TDRD9: variants seen among roughly 807,000 people sequenced by gnomAD.
The protein encoded by TDRD9 is tudor domain containing 9, also known as ATP-dependent RNA helicase TDRD9.
Under a neutral mutation model 172.6 loss-of-function variants are expected in TDRD9, and 124 were observed. The observed-to-expected ratio is 0.72, with a 90% CI of 0.62 to 0.83. TDRD9 has a LOEUF of 0.83. Among genes scored for constraint, TDRD9 ranks in the 40% least tolerant of loss-of-function variants. TDRD9 has a pLI of 0.00. For missense variants in TDRD9, 1,479 were observed against 1,714.1 expected, an observed-to-expected ratio of 0.86 and a Z score of 2.42; for synonymous variants, 619 against 617.1, an observed-to-expected ratio of 1.00 and a Z score of -0.05.
At chr14:104,005,552 G>T in intron 15 of TDRD9, 147 bp downstream of exon 15, 1 of 842,224 alleles carries the variant, frequency 1.2e-6, no homozygotes, top group Non-Finnish European at 1.8e-6. Context: ...TCACTTTCCC[G>T]CTAACTCTGT....
chr14:103,935,156 G>A (rs2030674320), intron 1 of TDRD9, among the ~76,000 whole-genome samples: 1 of 152,194 alleles, frequency 6.6e-6, no homozygotes, highest in African/African-American at 2.4e-5. Context: ...TACCTCTATA[G>A]CTATGGGAGC....
intron 1 of TDRD9, among the ~76,000 whole-genome samples, chr14:103,949,141 A>C (rs1356693979): frequency 2.0e-5 from 3 of 152,216 alleles, no homozygotes; most frequent in Non-Finnish European, 4.4e-5. Context: ...CTGTACACTT[A>C]AAAATAGTTA....
intron 1 of TDRD9, among the ~76,000 whole-genome samples, chr14:103,948,034 G>C (rs1409000863): frequency 3.3e-5 from 5 of 152,238 alleles, no homozygotes; most frequent in African/African-American, 1.2e-4. Context: ...TTTTTTAAGA[G>C]GGAGGGTCTC....
Position 104,006,522 on chromosome 14 carries a change from T to C in TDRD9, c.1847T>C (p.Val616Ala). The C allele has an allele frequency of 6.2e-7, 1 of 1,613,844 alleles. No individual in the cohort carries two copies. Among genetic ancestry groups the C allele is most frequent in the Non-Finnish European group, 8.5e-7 (1 of 1,179,746 alleles). The change falls in exon 16 of 36, where the codon GTA becomes GCA. Residue 616 changes from valine (V) to alanine (A), a missense_variant. Val to Ala is a moderately conservative substitution (Grantham distance 64). Around this residue, in one of 3 missense-constraint regions of TDRD9, gnomAD observed 1,413 missense variants for 1,649.1 expected, o/e 0.86. Transcript: ENST00000409874. ...GGTAAACTCATAGTCCTTGGACATG[T>C]ATTTGGATGTCTAGATGAATGTCTT... ...QLGKLIVLGHVFGCLDECLII... is the reference protein window; with the variant it reads ...QLGKLIVLGHAFGCLDECLII...
chr14:104,032,299 C>T (rs1461454303), intron 30 of TDRD9, among the ~76,000 whole-genome samples: 3 of 152,072 alleles, frequency 2.0e-5, no homozygotes, highest in East Asian at 1.9e-4. Flanking sequence ...CTCCGCCTCC[C>T]AGATTCAAGC....
intron 1 of TDRD9, among the ~76,000 whole-genome samples, chr14:103,952,386 C>T (rs1229631590): frequency 1.3e-5 from 2 of 148,666 alleles, no homozygotes; most frequent in Admixed American, 6.7e-5. Context: ...GGACTACAGG[C>T]GCCCGCCACC....
chr14:103,947,391 G>A (rs755085033), intron 1 of TDRD9, among the ~76,000 whole-genome samples: 4 of 151,616 alleles, frequency 2.6e-5, no homozygotes, highest in Non-Finnish European at 5.9e-5. Flanking sequence ...GTGCAGTGGC[G>A]ATTTCTACTC....
rs946844740 is a variant in TDRD9, at chr14:103,970,608, C to G, written c.833C>G (p.Ser278Ter). 25 of 1,550,202 alleles carry G rather than the reference C, an allele frequency of 1.6e-5. No individual in the cohort carries two copies. The highest frequency in any genetic ancestry group is 2.0e-5 in the Non-Finnish European group (23 of 1,145,798). The change falls in exon 6 of 36, where the codon TCA becomes TGA. Residue 278 changes from serine (S) to a stop codon, truncating the protein, a stop_gained. Coordinates refer to ENST00000409874, the MANE Select transcript of TDRD9 (RefSeq NM_153046.3). LOFTEE classifies it high-confidence loss of function. Reference protein sequence around the residue: ...LVVRKLLRTNSRFVKVVLMSA... With the variant: ...LVVRKLLRTN Reference sequence around the variant, plus strand: ...GTCCGCAAACTCTTAAGAACAAATTCACGTTTTGTGAAGGTAAATTTGATT... The same window carrying G: ...GTCCGCAAACTCTTAAGAACAAATTGACGTTTTGTGAAGGTAAATTTGATT...
intron 26 of TDRD9, 134 bp from the exon 27 acceptor site, chr14:104,025,913 T>C (rs2035102759): frequency 1.0e-6 from 1 of 969,124 alleles, no homozygotes; most frequent in East Asian, 2.4e-5. Context: ...CCCTCATTGA[T>C]ATGTGGATTT....
At chr14:104,046,144 A>T (rs2035768625) in intron 34 of TDRD9, among the ~76,000 whole-genome samples, 2 of 152,222 alleles carry the variant, frequency 1.3e-5, no homozygotes, top group East Asian at 3.9e-4. Context: ...TTTAGTAGAG[A>T]TGGGGTTTCA....
At position 104,024,684 on chromosome 14, in the gene TDRD9, AG is replaced by A. The variant is rs1311488326; in HGVS notation, c.2718+6del. On this transcript the variant is annotated splice_donor_5th_base_variant and intron_variant, in intron 25 of 35. Coordinates refer to ENST00000409874, the MANE Select transcript of TDRD9 (RefSeq NM_153046.3). ...TCTAACTATTGATGTCACAGAGGTAAGGATGAAGTAATTGAGCTTTTCCTTC... is the reference window on the plus strand; with the variant it reads ...TCTAACTATTGATGTCACAGAGGTAAGATGAAGTAATTGAGCTTTTCCTTC... 6.5e-7 allele frequency: 1 copy of A among 1,540,296 alleles called. No homozygotes were observed. The highest frequency in any genetic ancestry group is 2.3e-5 in the East Asian group (1 of 44,380).
intron 2 of TDRD9, among the ~76,000 whole-genome samples, chr14:103,960,669 A>G (rs1374128778): frequency 2.0e-5 from 3 of 152,126 alleles, no homozygotes; most frequent in African/African-American, 7.2e-5. Context: ...GCAGGACTTG[A>G]TTTGTGCTGG....
At chr14:103,986,589 C>G (rs979144682) in intron 8 of TDRD9, among the ~76,000 whole-genome samples, 1 of 152,130 alleles carries the variant, frequency 6.6e-6, no homozygotes, top group African/African-American at 2.4e-5. Context: ...TTTTTCCAGA[C>G]ATATAGGGGT....
chr14:103,957,608 C>G (rs977876529), intron 2 of TDRD9, among the ~76,000 whole-genome samples: 2 of 152,120 alleles, frequency 1.3e-5, no homozygotes, highest in Non-Finnish European at 2.9e-5. Context: ...GTCTTTTGTA[C>G]AAAGGAAGAG....
In TDRD9 at chr14:104,014,428, C is replaced by T. The variant is rs535437289; in HGVS notation, c.2107-297C>T. Among the ~76,000 whole-genome samples, 233 of 151,748 alleles carry T rather than the reference C, an allele frequency of 1.5e-3. 1 individual carries two copies. Among genetic ancestry groups the T allele is most frequent in the African/African-American group, 5.1e-3 (211 of 41,376 alleles). On this transcript the variant is annotated intron_variant, in intron 20 of 35. Coordinates refer to ENST00000409874, the MANE Select transcript of TDRD9 (RefSeq NM_153046.3). ...CCAAGTAGCTGGGACTACAGGTCTG[C>T]GCCACCACGCCCAGCTAACTTTGTA...
At position 103,995,775 on chromosome 14, in the gene TDRD9, A is replaced by C. The variant is rs775695923; in HGVS notation, c.1346A>C (p.Glu449Ala). The change falls in exon 12 of 36, where the codon GAG becomes GCG. Residue 449 changes from glutamate (E) to alanine (A), a missense_variant. Around this residue, in one of 3 missense-constraint regions of TDRD9, gnomAD observed 1,413 missense variants for 1,649.1 expected, o/e 0.86. Transcript: ENST00000409874. Reference protein sequence around the residue: ...RKIILSTNIAESSVTVPDVKY... With the variant: ...RKIILSTNIAASSVTVPDVKY... Reference sequence around the variant, plus strand: ...ATTATTCTGTCCACCAATATTGCAGAGAGTTCTGTCACAGTTCCAGATGTC... The same window carrying C: ...ATTATTCTGTCCACCAATATTGCAGCGAGTTCTGTCACAGTTCCAGATGTC... 1 of 1,609,670 alleles carries C rather than the reference A, an allele frequency of 6.2e-7. No homozygotes were observed. The highest frequency in any genetic ancestry group is 1.1e-5 in the South Asian group (1 of 90,024).
chr14:104,007,186 G>T lies in TDRD9; in HGVS notation c.2034G>T (p.Gly678=). 3.1e-6 allele frequency: 5 copies of T among 1,613,908 alleles called. No homozygotes were observed. Among genetic ancestry groups the T allele is most frequent in the Non-Finnish European group, 4.2e-6 (5 of 1,179,854 alleles). Residue 678 remains glycine, a synonymous_variant, in exon 19 of 36, where the codon GGG becomes GGT. Coordinates refer to ENST00000409874, the MANE Select transcript of TDRD9 (RefSeq NM_153046.3). Reference sequence around the variant, plus strand: ...CATGGAAGGCTTGCAGACAGACAGGGGAGCTGCGGTACCCGAAGGTTGGTG... The same window carrying T: ...CATGGAAGGCTTGCAGACAGACAGGTGAGCTGCGGTACCCGAAGGTTGGTG... ...FKTWKACRQT[G]ELRYPKDELN...
rs2035368711 is a variant in TDRD9, at chr14:104,034,063, G to A, written c.3613G>A (p.Ala1205Thr). 2 of 1,545,834 alleles carry A rather than the reference G, an allele frequency of 1.3e-6. No homozygotes were observed. The highest frequency in any genetic ancestry group is 1.4e-5 in the African/African-American group (1 of 72,798). Residue 1205 changes from alanine to threonine, a missense_variant, in exon 31 of 36, where the codon GCG (alanine) becomes ACG (threonine). Ala to Thr is a moderately conservative substitution (Grantham distance 58, BLOSUM62 0). Coordinates refer to ENST00000409874, the MANE Select transcript of TDRD9 (RefSeq NM_153046.3). Reference protein sequence around the residue: ...MLVAASLSINATGSTMLLRET... With the variant: ...MLVAASLSINTTGSTMLLRET... ...GGTTGCAGCTTCCCTTTCCATCAAT[G>A]CGACTGGTAATTTAAAGATCCTGTT...
intron 15 of TDRD9, among the ~76,000 whole-genome samples, chr14:104,006,004 T>A (rs538737875): frequency 6.6e-6 from 1 of 152,184 alleles, no homozygotes; most frequent in Non-Finnish European, 1.5e-5. Context: ...TCCTTGGGTT[T>A]CTATGAAATA....
Sources: allele counts gnomAD v4.1 joint callset (sites outside exome capture counted in the v4.1 genomes callset), GRCh38; gene constraint gnomAD v4.1.1; regional missense constraint gnomAD v4.1.1; transcripts MANE v1.5; gene names NCBI Gene and HGNC (gene_info 2026-07-23, HGNC 2026-07-21).